NPY1R: variants seen among roughly 807,000 people sequenced by gnomAD.
The protein encoded by NPY1R is neuropeptide Y receptor type 1.
NPY1R carries 10 observed loss-of-function variants against 24.1 expected under a neutral mutation model. The ratio of observed to expected loss-of-function variants is 0.42; its 90% confidence interval spans 0.26 to 0.71. The LOEUF (loss-of-function observed/expected upper bound fraction) is 0.71. NPY1R is among the 30% of genes least tolerant of loss of function. NPY1R has a pLI of 0.28. For synonymous variants in NPY1R, 168 were observed against 165.9 expected (o/e 1.01, Z -0.10); for missense variants, 350 against 458.0 (o/e 0.76, Z 2.15).
intron 1 of NPY1R, 85 bp from the exon 2 acceptor site, chr4:163,326,790 G>A (rs1477378226): frequency 2.7e-6 from 1 of 371,380 alleles, no homozygotes; most frequent in Non-Finnish European, 4.8e-6. Context: ...TCTTTAAAGT[G>A]AAAACACTGA....
At chr4:163,340,306 G>A (rs1734948265) in intron 1 of NPY1R, among the ~76,000 whole-genome samples, 1 of 149,828 alleles carries the variant, frequency 6.7e-6, no homozygotes, top group Admixed American at 6.6e-5. Context: ...CTCTCTTCTT[G>A]TACATATATA....
At chr4:163,328,625 A>G (rs182702027) in intron 1 of NPY1R, among the ~76,000 whole-genome samples, 1 of 152,270 alleles carries the variant, frequency 6.6e-6, no homozygotes, top group East Asian at 1.9e-4. Context: ...CCCCAGCCTG[A>G]CACATTAAGA....
intron 1 of NPY1R, among the ~76,000 whole-genome samples, chr4:163,341,965 A>G (rs918981966): frequency 6.6e-5 from 2 of 30,272 alleles, no homozygotes; most frequent in East Asian, 1.4e-3. Flanking sequence ...AATTTCCTCA[A>G]AAAAACTCTT....
In NPY1R at chr4:163,331,944, G is replaced by C. The variant is rs971376785; in HGVS notation, c.-152+538C>G. Among the ~76,000 whole-genome samples, 5 of 152,306 alleles carry C rather than the reference G, an allele frequency of 3.3e-5. No homozygotes were observed. In the East Asian group the frequency reaches 9.7e-4, roughly 30 times the overall value. ...GCTTGCGCGCTGGGGTCCGCGCCGA[G>C]GGCTACTCCCACCTCCGCCAGCTCC... On this transcript the variant is annotated intron_variant, in intron 1 of 2. Transcript: ENST00000296533.
At chr4:163,332,406 C>A (rs1734754490) in intron 1 of NPY1R, 76 bp downstream of exon 1, 1 of 152,274 alleles carries the variant, frequency 6.6e-6, no homozygotes, top group Non-Finnish European at 1.5e-5. Context: ...CATCGTTTTT[C>A]TTCCCCTCTC....
chr4:163,331,821 G>C (rs978847568), intron 1 of NPY1R, among the ~76,000 whole-genome samples: 1 of 152,214 alleles, frequency 6.6e-6, no homozygotes, highest in African/African-American at 2.4e-5. Flanking sequence ...AAAAGCTTCG[G>C]GTGTCTATCG....
chr4:163,338,137 T>C (rs1048160867), intron 1 of NPY1R, among the ~76,000 whole-genome samples: 5 of 147,260 alleles, frequency 3.4e-5, no homozygotes, highest in Non-Finnish European at 7.5e-5. Context: ...TAGGCTTTTT[T>C]TTCCCCCTAG....
intron 1 of NPY1R, among the ~76,000 whole-genome samples, chr4:163,342,981 GAC>G (rs142715363): frequency 0.11 from 15,656 of 138,908 alleles, 1,264 homozygotes; most frequent in South Asian, 0.23. Context: ...CTCTCTCACA[GAC>G]ACACACACAC....
In NPY1R at chr4:163,324,740, GAA is replaced by G. The variant is rs59293649; in HGVS notation, c.*561_*562del. Reference sequence around the variant, plus strand: ...AGCAAATTAAATCCTCCCTTAAGGTGAAAAAAAAAAAAAACAAACAAAAACCA... The same window carrying G: ...AGCAAATTAAATCCTCCCTTAAGGTGAAAAAAAAAAAACAAACAAAAACCA... On this transcript the variant is annotated 3_prime_UTR_variant, in exon 3 of 3. Coordinates refer to ENST00000296533, the MANE Select transcript of NPY1R (RefSeq NM_000909.6). 46,767 of 143,422 alleles carry G rather than the reference GAA, an allele frequency of 0.33. 7,928 individuals carry two copies. Among genetic ancestry groups the G allele is most frequent in the East Asian group, 0.56 (2,821 of 5,038 alleles). 8.9% of individuals were successfully genotyped at this position (143,422 alleles called of 1,614,324 possible).
chr4:163,327,469 G>A (rs149645202), intron 1 of NPY1R, among the ~76,000 whole-genome samples: 170 of 152,258 alleles, frequency 1.1e-3, no homozygotes, highest in Non-Finnish European at 2.0e-3. Flanking sequence ...AGGAACAAAA[G>A]TTTAGTAAAA....
chr4:163,331,489 T>C (rs1734725997), intron 1 of NPY1R, among the ~76,000 whole-genome samples: 1 of 151,706 alleles, frequency 6.6e-6, no homozygotes, highest in East Asian at 1.9e-4. Context: ...GACTCCCTAC[T>C]ACACACACAT....
chr4:163,331,525 CT>C lies in NPY1R; in HGVS notation c.-152+956del, dbSNP rs1578935708. On this transcript the variant is annotated intron_variant, in intron 1 of 2. Transcript: ENST00000296533. ...ACACACACTCTCACTCTCTCTCTCT[CT>C]CTCATCAAAAAACCTTTCTACCAGT... 9.2e-5 allele frequency among the ~76,000 whole-genome samples: 14 copies of C among 151,900 alleles called. 1 individual carries two copies. The highest frequency in any genetic ancestry group is 1.6e-4 in the Non-Finnish European group (11 of 67,898).
chr4:163,339,427 C>T (rs1204457391), intron 1 of NPY1R, among the ~76,000 whole-genome samples: 1 of 152,098 alleles, frequency 6.6e-6, no homozygotes, highest in Non-Finnish European at 1.5e-5. Context: ...GAACTTATCA[C>T]ATTGTATTGC....
Position 163,325,098 on chromosome 4 carries a change from C to T in NPY1R, c.*205G>A. 1.9e-6 allele frequency: 1 copy of T among 537,880 alleles called. No homozygotes were observed. The highest frequency in any genetic ancestry group is 2.6e-5 in the South Asian group (1 of 37,892). 33.3% of individuals were successfully genotyped at this position (537,880 alleles called of 1,614,324 possible). A position where few individuals can be genotyped will look rare whatever the true frequency, so the allele number is the denominator to read the frequency against. ...CAAAGATGTCTGGTCAAAACTATTT[C>T]CAGAAGACCCCAAAGCCCACACCTT... On this transcript the variant is annotated 3_prime_UTR_variant, in exon 3 of 3. Transcript: ENST00000296533.
intron 1 of NPY1R, among the ~76,000 whole-genome samples, chr4:163,342,649 A>G (rs9996227): frequency 0.86 from 130,309 of 152,126 alleles, 56,507 homozygotes; most frequent in East Asian, 0.99. Context: ...CTGATGAAAT[A>G]GCAATCTATA....
At chr4:163,342,312 T>A (rs994246182) in intron 1 of NPY1R, among the ~76,000 whole-genome samples, 1 of 152,236 alleles carries the variant, frequency 6.6e-6, no homozygotes, top group African/African-American at 2.4e-5. Flanking sequence ...GAATTTGTTT[T>A]AAAGACAATG....
At chr4:163,338,051 C>T (rs966904875) in intron 1 of NPY1R, among the ~76,000 whole-genome samples, 1 of 152,204 alleles carries the variant, frequency 6.6e-6, no homozygotes, top group African/African-American at 2.4e-5. Flanking sequence ...ACTTCACCAA[C>T]TCCACACTTC....
At chr4:163,341,347 G>T (rs1317662123) in intron 1 of NPY1R, among the ~76,000 whole-genome samples, 1 of 152,030 alleles carries the variant, frequency 6.6e-6, no homozygotes. Flanking sequence ...AATGCATAAA[G>T]TAAAATAATA....
At chr4:163,334,852 T>A (rs1734800851), upstream of NPY1R, among the ~76,000 whole-genome samples, 1 of 135,382 alleles carries the variant, frequency 7.4e-6, no homozygotes, top group Non-Finnish European at 1.5e-5. Context: ...AGAGCAAGAC[T>A]CTGTTTTGGA....
Sources: gnomAD v4.1 joint callset for allele counts (sites outside exome capture counted in the v4.1 genomes callset) on GRCh38, gnomAD v4.1.1 for gene constraint, MANE v1.5 for transcripts, NCBI Gene and HGNC (gene_info 2026-07-23, HGNC 2026-07-21) for gene names.